ZNF266: variants seen among roughly 807,000 people sequenced by gnomAD.
ZNF266 encodes zinc finger protein 1.
Under a neutral mutation model 16.4 loss-of-function variants are expected in ZNF266, and 16 were observed. That is an observed-to-expected ratio of 0.98 (90% CI 0.66 to 1.48). The LOEUF (loss-of-function observed/expected upper bound fraction) is 1.48, where lower values mean the gene tolerates loss of function less well. ZNF266 is among the 40% of genes most tolerant of loss of function. The pLI, the probability that ZNF266 is intolerant of heterozygous loss-of-function variation, is 0.00. For synonymous variants in ZNF266, 262 were observed against 237.9 expected (o/e 1.10, Z -0.93); for missense variants, 738 against 689.1 (o/e 1.07, Z -0.79).
chr19:9,418,538 TCA>T lies in ZNF266; in HGVS notation c.200_201del (p.Val67AspfsTer30). On this transcript the variant is annotated frameshift_variant, in exon 8 of 11. Coordinates refer to ENST00000592904, the MANE Select transcript of ZNF266 (RefSeq NM_001370374.1). LOFTEE classifies it high-confidence loss of function. The part of the protein sequence containing the change: ...DPTQRNLYRD[V>X]MLENYKNLAT... ...GCCAAATTCTTGTAGTTCTCCAGCATCACATCTCTGTAGAGGTTTCTCTGAGT... is the reference window on the plus strand; with the variant it reads ...GCCAAATTCTTGTAGTTCTCCAGCATCATCTCTGTAGAGGTTTCTCTGAGT... The T allele has an allele frequency of 6.2e-7, 1 of 1,614,194 alleles. No homozygotes were observed. The highest frequency in any genetic ancestry group is 1.1e-5 in the South Asian group (1 of 91,080).
intron 9 of ZNF266, among the ~76,000 whole-genome samples, chr19:9,416,756 T>C (rs1599445243): frequency 9.0e-6 from 1 of 111,020 alleles, no homozygotes. Context: ...ATTGCAACCT[T>C]CGGCCCCTGG....
chr19:9,420,298 A>G (rs2069660296), intron 5 of ZNF266, 80 bp from the exon 6 acceptor site: 1 of 152,252 alleles, frequency 6.6e-6, no homozygotes, highest in Non-Finnish European at 1.5e-5. Context: ...CAGAGCATAT[A>G]GAGGAAAAGA....
rs771466798 is a variant in ZNF266 at position 9,413,306 on chromosome 19, C to T, written c.1820G>A (p.Arg607Lys). 6.2e-7 allele frequency: 1 copy of T among 1,602,286 alleles called. No individual in the cohort carries two copies. The highest frequency in any genetic ancestry group is 1.1e-5 in the South Asian group (1 of 89,348). The change falls in exon 11 of 11, where the codon AGA becomes AAA. Residue 607 changes from arginine (R) to lysine (K), a missense_variant. Coordinates refer to ENST00000592904, the MANE Select transcript of ZNF266 (RefSeq NM_001370374.1). The stretch of plus-strand genomic sequence containing the variant: ...TGACAGTCTCTCATCCGCATGCCTT[C>T]TTTCATGATTTCGAAAGGAACTGGA... ...SSSSSFRNHERRHADERLSA is the reference protein window; with the variant it reads ...SSSSSFRNHEKRHADERLSA
chr19:9,417,747 CAAAAA>C, intron 9 of ZNF266, 76 bp downstream of exon 9: 1 of 976,874 alleles, frequency 1.0e-6, no homozygotes, highest in Non-Finnish European at 1.5e-6. Flanking sequence ...GACTCCATCT[CAAAAA>C]AAAAAAAAAG....
Position 9,413,696 on chromosome 19 carries a change from C to T in ZNF266, c.1430G>A (p.Cys477Tyr). Residue 477 changes from cysteine (C) to tyrosine (Y), a missense_variant, in exon 11 of 11, where the codon TGT (cysteine) becomes TAT (tyrosine). Physicochemically the swap from Cys to Tyr is radical, Grantham distance 194. Transcript: ENST00000592904. ...AGCAAAGGCTTTCCCACATTTGACACATTCAAAAGGCTTCTCTCCAGTGTG... is the reference window on the plus strand; with the variant it reads ...AGCAAAGGCTTTCCCACATTTGACATATTCAAAAGGCTTCTCTCCAGTGTG... ...RTHTGEKPFE[C>Y]VKCGKAFAIS... 3.1e-6 allele frequency: 5 copies of T among 1,614,188 alleles called. No homozygotes were observed. The highest frequency in any genetic ancestry group is 4.2e-6 in the Non-Finnish European group (5 of 1,180,016).
intron 5 of ZNF266, among the ~76,000 whole-genome samples, chr19:9,421,991 T>C (rs945006130): frequency 7.9e-5 from 12 of 152,048 alleles, no homozygotes; most frequent in Admixed American, 1.3e-4. Flanking sequence ...GCTGGGACTA[T>C]AGGCACCCGC....
chr19:9,415,475 G>A (rs1375712107), intron 10 of ZNF266, among the ~76,000 whole-genome samples, 179 bp downstream of exon 10: 1 of 152,054 alleles, frequency 6.6e-6, no homozygotes, highest in Non-Finnish European at 1.5e-5. Context: ...CCAAGATCTT[G>A]CTACGTTGAC....
rs73493839 is a variant in ZNF266 at position 9,418,395 on chromosome 19, T to G, written c.235+110A>C. On this transcript the variant is annotated intron_variant, in intron 8 of 10. Coordinates refer to ENST00000592904, the MANE Select transcript of ZNF266 (RefSeq NM_001370374.1). ...TGAAACCCTATTAGGGCAGGGACTA[T>G]GTCTGTTATTTCCCATTGTGTTCAG... 3.6e-4 allele frequency: 429 copies of G among 1,205,762 alleles called. No individual in the cohort carries two copies. In the African/African-American group the frequency reaches 5.8e-3, roughly 16 times the overall value. 74.7% of individuals were successfully genotyped at this position (1,205,762 alleles called of 1,614,324 possible).
At chr19:9,431,927 T>C (rs1568426000) in intron 5 of ZNF266, among the ~76,000 whole-genome samples, 1 of 152,126 alleles carries the variant, frequency 6.6e-6, no homozygotes, top group Non-Finnish European at 1.5e-5. Context: ...AGAATGCAGA[T>C]GTAATTGAGG....
chr19:9,418,473 T>G (rs1156262812), intron 8 of ZNF266, 32 bp downstream of exon 8: 1 of 1,611,970 alleles, frequency 6.2e-7, no homozygotes, highest in Non-Finnish European at 8.5e-7. Context: ...ATCTGTTCCA[T>G]AGTAGGCTAC....
At chr19:9,415,348 G>A (rs545204490) in intron 10 of ZNF266, among the ~76,000 whole-genome samples, 5 of 152,312 alleles carry the variant, frequency 3.3e-5, no homozygotes, top group South Asian at 2.1e-4. Context: ...CCAGGTCATC[G>A]TATTCTGAGT....
rs117670016 is a variant in ZNF266, at chr19:9,421,764, G to C, written c.-129-1546C>G. Among the ~76,000 whole-genome samples the C allele has an allele frequency of 2.6e-5, 4 of 152,204 alleles. No homozygotes were observed. The East Asian group carries it at 7.7e-4, about 29-fold the overall frequency. ...CTATTTCTTCTTGTGTATCTGTAAT[G>C]TATACTCCTTTATACATCTTGTAAC... is the stretch of plus-strand genomic sequence containing the variant. On this transcript the variant is annotated intron_variant, in intron 5 of 10. Transcript: ENST00000592904.
rs1400812157 is a variant in ZNF266 at position 9,413,452 on chromosome 19, G to A, written c.1674C>T (p.Pro558=). Reference sequence around the variant, plus strand: ...ATTTCCCACACTGTTTACATTTGTAGGGTTTTTCTCCAGTGTGGATCCGCA... The same window carrying A: ...ATTTCCCACACTGTTTACATTTGTAAGGTTTTTCTCCAGTGTGGATCCGCA... ...LHMRIHTGEK[P]YKCKQCGKSF... is the part of the protein sequence containing the mutation. The change falls in exon 11 of 11, where the codon CCC becomes CCT. Residue 558 remains proline (P), a synonymous_variant. Transcript: ENST00000592904. 2.5e-6 allele frequency: 4 copies of A among 1,613,948 alleles called. No homozygotes were observed. The highest frequency in any genetic ancestry group is 3.4e-6 in the Non-Finnish European group (4 of 1,180,022).
Position 9,414,125 on chromosome 19 carries a change from G to A in ZNF266, c.1001C>T (p.Pro334Leu). 6.2e-7 allele frequency: 1 copy of A among 1,613,910 alleles called. No individual in the cohort carries two copies. Among genetic ancestry groups the A allele is most frequent in the Admixed American group, 1.7e-5 (1 of 60,024 alleles). ...TCTCCCACAATCCTTACATTTATAA[G>A]GTTTCTCTCCAGTGTGAGTTTTTCT... ...QHRKTHTGEK[P>L]YKCKDCGRAF... Residue 334 changes from proline to leucine, a missense_variant, in exon 11 of 11, where the codon CCT (proline) becomes CTT (leucine). Physicochemically the swap from Pro to Leu is moderately conservative, Grantham distance 98. Transcript: ENST00000592904.
In ZNF266 at chr19:9,413,785, A is replaced by G; in HGVS notation, c.1341T>C (p.Tyr447=). The change falls in exon 11 of 11, where the codon TAT becomes TAC. Residue 447 remains tyrosine (Y), a synonymous_variant. Coordinates refer to ENST00000592904, the MANE Select transcript of ZNF266 (RefSeq NM_001370374.1). ...HARTHSGERP[Y]ECKECGKAFA... ...AGGCCTTTCCACATTCCTTACATTC[A>G]TAGGGCCTCTCTCCACTGTGAGTTC... 2 of 1,614,092 alleles carry G rather than the reference A, an allele frequency of 1.2e-6. No individual in the cohort carries two copies. The highest frequency in any genetic ancestry group is 1.7e-6 in the Non-Finnish European group (2 of 1,180,006).
intron 5 of ZNF266, among the ~76,000 whole-genome samples, chr19:9,422,409 A>G (rs2070059235): frequency 6.6e-6 from 1 of 152,178 alleles, no homozygotes; most frequent in South Asian, 2.1e-4. Context: ...ACAATTCATA[A>G]CACAATATGC....
intron 9 of ZNF266, among the ~76,000 whole-genome samples, chr19:9,416,704 C>T (rs1350844078): frequency 9.7e-6 from 1 of 103,516 alleles, no homozygotes; most frequent in East Asian, 3.3e-4. Flanking sequence ...CAGAGTCTTG[C>T]TCTCTCACCC....
chr19:9,434,122 G>A lies in ZNF266; in HGVS notation c.-296C>T, dbSNP rs541604083. 1 of 152,340 alleles carries A rather than the reference G, an allele frequency of 6.6e-6. No homozygotes were observed. Among genetic ancestry groups the A allele is most frequent in the East Asian group, 1.9e-4 (1 of 5,190 alleles). 9.4% of individuals were successfully genotyped at this position (152,340 alleles called of 1,614,324 possible). A position where few individuals can be genotyped will look rare whatever the true frequency, so the allele number is the denominator to read the frequency against. On this transcript the variant is annotated 5_prime_UTR_variant, in exon 4 of 11. Transcript: ENST00000592904. ...TCCTCTCTCTCACCATAGAAGTGGA[G>A]TCAGCCAATTCACAGAATGCTTTGC...
At chr19:9,421,038 A>G (rs944740531) in intron 5 of ZNF266, among the ~76,000 whole-genome samples, 1 of 151,034 alleles carries the variant, frequency 6.6e-6, no homozygotes, top group Non-Finnish European at 1.5e-5. Context: ...TTAATTTAAT[A>G]AAATTTATAC....
Sources: gnomAD v4.1 joint callset for allele counts (sites outside exome capture counted in the v4.1 genomes callset) on GRCh38, gnomAD v4.1.1 for gene constraint, MANE v1.5 for transcripts, NCBI Gene and HGNC (gene_info 2026-07-23, HGNC 2026-07-21) for gene names.